Variants in CENPP observed in about 807,000 individuals in gnomAD.
The protein encoded by CENPP is centromere protein P.
A neutral mutation model predicts 35.6 loss-of-function variants in CENPP; 24 were observed. The ratio of observed to expected loss-of-function variants is 0.67; its 90% CI spans 0.49 to 0.95. The LOEUF (loss-of-function observed/expected upper bound fraction) is 0.95. Among genes scored for constraint, CENPP ranks in the 40% least tolerant of loss-of-function variants. CENPP has a pLI of 0.00. For missense variants in CENPP, 332 were observed against 345.3 expected (o/e 0.96, Z 0.31); for synonymous variants, 120 against 125.5 (o/e 0.96, Z 0.29).
chr9:92,398,331 G>T (rs190735596), intron 5 of CENPP, among the ~76,000 whole-genome samples: 1 of 151,910 alleles, frequency 6.6e-6, no homozygotes, highest in Admixed American at 6.6e-5. Context: ...ATTTATATAC[G>T]TATTTGGTTT....
At chr9:92,541,901 C>T (rs912193911) in intron 5 of CENPP, among the ~76,000 whole-genome samples, 6 of 152,134 alleles carry the variant, frequency 3.9e-5, no homozygotes, top group Non-Finnish European at 5.9e-5. Flanking sequence ...TCAAGTGATT[C>T]TCCTGCCTCA....
chr9:92,544,799 T>G (rs1273046528), intron 5 of CENPP, among the ~76,000 whole-genome samples: 1 of 148,112 alleles, frequency 6.8e-6, no homozygotes, highest in East Asian at 2.2e-4. Context: ...CACTGCAACC[T>G]CCGCCTCTCG....
At chr9:92,478,607 C>G (rs566543148) in intron 5 of CENPP, among the ~76,000 whole-genome samples, 1 of 152,214 alleles carries the variant, frequency 6.6e-6, no homozygotes, top group Non-Finnish European at 1.5e-5. Context: ...CATGTGCCAT[C>G]ATGCCTGGCT....
intron 5 of CENPP, among the ~76,000 whole-genome samples, chr9:92,418,129 C>T (rs971471515): frequency 3.3e-5 from 5 of 151,784 alleles, no homozygotes; most frequent in African/African-American, 9.7e-5. Flanking sequence ...CCTTGTCACC[C>T]AGGGTGGAGT....
intron 5 of CENPP, among the ~76,000 whole-genome samples, chr9:92,520,214 T>G (rs1238759838): frequency 6.6e-6 from 1 of 151,226 alleles, no homozygotes; most frequent in Non-Finnish European, 1.5e-5. Flanking sequence ...GCCCAGGAGT[T>G]CAAGACTGCA....
At chr9:92,519,238 G>C (rs1010036017) in intron 5 of CENPP, among the ~76,000 whole-genome samples, 1 of 152,162 alleles carries the variant, frequency 6.6e-6, no homozygotes, top group Admixed American at 6.5e-5. Context: ...ATACACATAT[G>C]AGTTTCTTCC....
At chr9:92,465,056 G>A in intron 5 of CENPP, 2 of 1,449,452 alleles carry the variant, frequency 1.4e-6, no homozygotes, top group African/African-American at 1.4e-5. Context: ...ACATGACTTA[G>A]CACACATAGG....
chr9:92,567,363 A>G (rs1849991590), intron 5 of CENPP, among the ~76,000 whole-genome samples: 2 of 89,686 alleles, frequency 2.2e-5, no homozygotes, highest in Middle Eastern at 8.5e-3. Context: ...GTATACAGTT[A>G]CATAAGATAG....
At chr9:92,518,610 A>G (rs1847875249) in intron 5 of CENPP, among the ~76,000 whole-genome samples, 1 of 152,180 alleles carries the variant, frequency 6.6e-6, no homozygotes, top group Non-Finnish European at 1.5e-5. Context: ...GAAGTGTATA[A>G]TACTGTCTGG....
At chr9:92,454,143 C>T (rs1339450997) in intron 5 of CENPP, among the ~76,000 whole-genome samples, 1 of 152,062 alleles carries the variant, frequency 6.6e-6, no homozygotes, top group African/African-American at 2.4e-5. Context: ...GTGTTTTTGG[C>T]AGTAAATGTT....
At chr9:92,501,662 C>T (rs772363163) in intron 5 of CENPP, among the ~76,000 whole-genome samples, 5 of 152,180 alleles carry the variant, frequency 3.3e-5, no homozygotes, top group South Asian at 2.1e-4. Flanking sequence ...TTCTGCCCCA[C>T]GCCCTCTTTT....
Position 92,526,791 on chromosome 9 carries a change from T to A in CENPP, c.565-84523T>A, listed in dbSNP as rs544352906. Among the ~76,000 whole-genome samples, 15 of 152,238 alleles carry A rather than the reference T, an allele frequency of 9.9e-5. 1 individual carries two copies. The highest frequency in any genetic ancestry group is 3.6e-4 in the African/African-American group (15 of 41,564). Reference sequence around the variant, plus strand: ...TATTGAAGAAATAAAAAAACTTTTTTATAAATTTAGTAGACTCTTAGTGTA... The same window carrying A: ...TATTGAAGAAATAAAAAAACTTTTTAATAAATTTAGTAGACTCTTAGTGTA... On this transcript the variant is annotated intron_variant, in intron 5 of 7. Coordinates refer to ENST00000375587, the MANE Select transcript of CENPP (RefSeq NM_001012267.3).
At chr9:92,328,841 C>CT (rs902988312) in intron 1 of CENPP, among the ~76,000 whole-genome samples, 1 of 152,152 alleles carries the variant, frequency 6.6e-6, no homozygotes, top group Non-Finnish European at 1.5e-5. Context: ...TGCAGATTTT[C>CT]TTTTTGTGGC....
At chr9:92,416,068 A>T (rs1281314004) in intron 5 of CENPP, among the ~76,000 whole-genome samples, 9 of 136,998 alleles carry the variant, frequency 6.6e-5, no homozygotes, top group South Asian at 2.4e-4. Context: ...GTATATATAT[A>T]TATTTATTTA....
chr9:92,479,132 AAGG>A (rs1845821635), intron 5 of CENPP, among the ~76,000 whole-genome samples: 1 of 152,088 alleles, frequency 6.6e-6, no homozygotes, highest in Non-Finnish European at 1.5e-5. Flanking sequence ...TTGAGAGGAG[AAGG>A]AGAAGGCACA....
intron 5 of CENPP, among the ~76,000 whole-genome samples, chr9:92,401,776 A>C (rs1180364244): frequency 1.6e-4 from 25 of 152,188 alleles, no homozygotes; most frequent in Admixed American, 1.6e-3. Flanking sequence ...AATTCTGGGG[A>C]AATTGGAGTA....
At chr9:92,449,585 G>A (rs1190091899) in intron 5 of CENPP, among the ~76,000 whole-genome samples, 1 of 151,752 alleles carries the variant, frequency 6.6e-6, no homozygotes, top group East Asian at 1.9e-4. Flanking sequence ...ATATGGTTTG[G>A]ATCTGTGTTC....
intron 5 of CENPP, chr9:92,522,711 C>T: frequency 6.2e-7 from 1 of 1,614,130 alleles, no homozygotes; most frequent in South Asian, 1.1e-5. Flanking sequence ...GAATTCCAAG[C>T]TGTCTGTTTG....
At chr9:92,514,301 G>A (rs1391407935) in intron 5 of CENPP, among the ~76,000 whole-genome samples, 1 of 146,344 alleles carries the variant, frequency 6.8e-6, no homozygotes. Context: ...TTGAGATGGA[G>A]TCTCGCTCAA....
Sources: allele counts gnomAD v4.1 joint callset (sites outside exome capture counted in the v4.1 genomes callset), GRCh38; gene constraint gnomAD v4.1.1; transcripts MANE v1.5; gene names NCBI Gene and HGNC (gene_info 2026-07-23, HGNC 2026-07-21).